Variants in DISC1 observed in about 807,000 individuals in gnomAD.
DISC1 encodes the protein disrupted in schizophrenia 1 protein.
A neutral mutation model predicts 84.5 loss-of-function variants in DISC1; 57 were observed. The observed-to-expected ratio is 0.67, with a 90% CI of 0.55 to 0.84. The LOEUF (loss-of-function observed/expected upper bound fraction) is 0.84, where lower values mean the gene tolerates loss of function less well. DISC1 is among the 40% of genes least tolerant of loss of function. DISC1 has a pLI of 0.00. For synonymous variants in DISC1, 411 were observed against 415.2 expected (o/e 0.99, Z 0.12); for missense variants, 1,000 against 1,057.8 (o/e 0.95, Z 0.76).
intron 6 of DISC1, among the ~76,000 whole-genome samples, chr1:231,778,201 G>C (rs145313912): frequency 2.1e-3 from 324 of 152,324 alleles, no homozygotes; most frequent in African/African-American, 7.3e-3. Flanking sequence ...AGTCAGAGAG[G>C]TCTGTCAGAC....
chr1:231,979,704 C>A (rs1663329081), intron 10 of DISC1, among the ~76,000 whole-genome samples: 1 of 150,468 alleles, frequency 6.6e-6, no homozygotes, highest in Admixed American at 6.7e-5. Flanking sequence ...ATAAAATATA[C>A]TAATGCAAAT....
At chr1:231,886,946 C>G (rs1365338787) in intron 9 of DISC1, among the ~76,000 whole-genome samples, 2 of 150,028 alleles carry the variant, frequency 1.3e-5, no homozygotes, top group Non-Finnish European at 3.0e-5. Flanking sequence ...ACTGTAAGCT[C>G]TACCTCCCGA....
At position 232,011,585 on chromosome 1, in the gene DISC1, G is replaced by T. The variant is rs9432112; in HGVS notation, c.2307+2536G>T. On this transcript the variant is annotated intron_variant, in intron 11 of 12. Transcript: ENST00000439617. The stretch of plus-strand genomic sequence containing the variant: ...TATGGGGCCAGAAAACAGATAAATT[G>T]TTGCCAGGAAAGGGGAAGGGACTCA... Among the ~76,000 whole-genome samples the T allele has an allele frequency of 8.1e-3, 1,231 of 152,206 alleles. 15 individuals are homozygous for T. The highest frequency in any genetic ancestry group is 0.032 in the East Asian group (163 of 5,172).
intron 9 of DISC1, among the ~76,000 whole-genome samples, chr1:231,883,096 G>T (rs749699434): frequency 6.6e-6 from 1 of 151,964 alleles, no homozygotes; most frequent in Non-Finnish European, 1.5e-5. Context: ...TGCTGATGTG[G>T]GCAGAAAGAG....
chr1:231,977,488 A>C (rs1355119255), intron 10 of DISC1, among the ~76,000 whole-genome samples: 1 of 152,140 alleles, frequency 6.6e-6, no homozygotes, highest in East Asian at 1.9e-4. Context: ...TCATTGCATC[A>C]CTGTCTCCTT....
chr1:231,739,767 A>G (rs539981209), intron 3 of DISC1, among the ~76,000 whole-genome samples: 2 of 152,346 alleles, frequency 1.3e-5, no homozygotes, highest in African/African-American at 4.8e-5. Context: ...AAGGTGAAAA[A>G]GTCTTGTCAA....
chr1:231,659,523 T>C (rs1186103213), intron 1 of DISC1, among the ~76,000 whole-genome samples: 1 of 152,178 alleles, frequency 6.6e-6, no homozygotes, highest in African/African-American at 2.4e-5. Context: ...CTTCTAGCTT[T>C]GGAGTTTGTT....
intron 3 of DISC1, chr1:231,721,206 C>A: frequency 1.1e-6 from 1 of 884,560 alleles, no homozygotes; most frequent in Non-Finnish European, 1.5e-6. Flanking sequence ...TTGAAAGGAG[C>A]TATGTCAACA....
intron 3 of DISC1, among the ~76,000 whole-genome samples, chr1:231,715,364 A>G (rs946849878): frequency 1.3e-5 from 2 of 152,260 alleles, no homozygotes; most frequent in Non-Finnish European, 2.9e-5. Flanking sequence ...GATTAAAATG[A>G]AAACACTCCT....
intron 9 of DISC1, among the ~76,000 whole-genome samples, chr1:231,916,336 C>T (rs2089616564): frequency 6.6e-6 from 1 of 152,182 alleles, no homozygotes; most frequent in African/African-American, 2.4e-5. Context: ...TGATATTACA[C>T]TTTTTTTCTT....
At chr1:231,949,860 A>G (rs892709622) in intron 9 of DISC1, among the ~76,000 whole-genome samples, 4 of 152,236 alleles carry the variant, frequency 2.6e-5, no homozygotes, top group Admixed American at 2.0e-4. Flanking sequence ...TTTCATCACA[A>G]CTGGGCAACA....
intron 2 of DISC1, among the ~76,000 whole-genome samples, chr1:231,699,676 C>T (rs2066157862): frequency 1.3e-5 from 2 of 152,206 alleles, no homozygotes; most frequent in South Asian, 4.1e-4. Context: ...CCTTCTTCTG[C>T]TCTTACTAAC....
chr1:231,938,156 C>T (rs1228136519), intron 9 of DISC1, among the ~76,000 whole-genome samples: 1 of 152,140 alleles, frequency 6.6e-6, no homozygotes, highest in Non-Finnish European at 1.5e-5. Context: ...CCCTTATCCC[C>T]AGAACCCGGT....
At position 232,031,193 on chromosome 1, in the gene DISC1, GAC is replaced by G. The variant is rs373139701; in HGVS notation, c.2425+4643_2425+4644del. 2.3e-3 allele frequency among the ~76,000 whole-genome samples: 249 copies of G among 110,574 alleles called. No individual in the cohort carries two copies. The highest frequency in any genetic ancestry group is 7.1e-3 in the African/African-American group (229 of 32,116). 72.5% of individuals were successfully genotyped at this position (110,574 alleles called of 152,430 possible). The stretch of plus-strand genomic sequence containing the variant: ...GGAAGGAAGGAAGGGAGAAAGGAGA[GAC>G]AGAGAGAGAGGAAGGAAGGAAGGGA... On this transcript the variant is annotated intron_variant, in intron 12 of 12. Coordinates refer to ENST00000439617, the MANE Select transcript of DISC1 (RefSeq NM_018662.3). This position sits in a 1 kb window ranked among gnomAD's most constrained non-coding sequence, Gnocchi z 4.6.
intron 6 of DISC1, among the ~76,000 whole-genome samples, chr1:231,786,935 T>G (rs557617839): frequency 6.6e-6 from 1 of 152,292 alleles, no homozygotes; most frequent in Non-Finnish European, 1.5e-5. Context: ...GAACCAGCTT[T>G]GGGTGGCATG....
chr1:231,667,810 C>A (rs1488670799), intron 1 of DISC1, among the ~76,000 whole-genome samples: 2 of 152,086 alleles, frequency 1.3e-5, no homozygotes, highest in Non-Finnish European at 2.9e-5. Flanking sequence ...ATATTATTAG[C>A]ATTTATAAAG....
At chr1:231,680,272 G>A (rs58034135) in intron 1 of DISC1, among the ~76,000 whole-genome samples, 5,068 of 152,194 alleles carry the variant, frequency 0.033, 271 homozygotes, top group African/African-American at 0.12. Flanking sequence ...AGTATATATA[G>A]TGTCTCTATA....
intron 2 of DISC1, among the ~76,000 whole-genome samples, chr1:231,695,948 A>G (rs2065636702): frequency 6.6e-6 from 1 of 152,214 alleles, no homozygotes; most frequent in Admixed American, 6.5e-5. Context: ...GAGTGAGGTC[A>G]GAGCACAGAT....
At chr1:231,886,773 T>C (rs547391483) in intron 9 of DISC1, among the ~76,000 whole-genome samples, 2 of 53,034 alleles carry the variant, frequency 3.8e-5, no homozygotes, top group African/African-American at 1.4e-4. Context: ...CTTCCTTTCT[T>C]TCTTTCTTTC....
Sources: gnomAD v4.1 joint callset for allele counts (sites outside exome capture counted in the v4.1 genomes callset) on GRCh38, gnomAD v4.1.1 for gene constraint, Gnocchi (gnomAD v3.1) non-coding constraint, MANE v1.5 for transcripts, NCBI Gene and HGNC (gene_info 2026-07-23, HGNC 2026-07-21) for gene names.